Variants in PHEX observed in about 807,000 individuals in gnomAD.
PHEX encodes phosphate-regulating neutral endopeptidase PHEX.
In PHEX, 16 loss-of-function variants were observed where a neutral mutation model predicts 68.0. The observed-to-expected ratio is 0.24, with a 90% confidence interval of 0.16 to 0.36. The LOEUF (loss-of-function observed/expected upper bound fraction) is 0.36. PHEX is among the 10% of genes least tolerant of loss of function. PHEX has a pLI of 1.00. For missense variants in PHEX, 480 were observed against 575.5 expected (o/e 0.83, Z 1.70); for synonymous variants, 208 against 205.1 (o/e 1.01, Z -0.12).
At chrX:22,245,124 T>C (rs1448794275) in intron 20 of PHEX, among the ~76,000 whole-genome samples, 3 of 112,390 alleles carry the variant, frequency 2.7e-5, no homozygotes, top group Non-Finnish European at 5.6e-5. Context: ...TTACTCAAAT[T>C]GTGAAATTAT....
intron 13 of PHEX, among the ~76,000 whole-genome samples, chrX:22,176,397 AAAAAAATAT>A (rs1467094695): frequency 2.1e-4 from 16 of 75,769 alleles, no homozygotes; most frequent in African/African-American, 3.0e-4. Flanking sequence ...AAAAAAAAAA[AAAAAAATAT>A]ATATATATAT....
chrX:22,224,213 C>G (rs1397811793), intron 18 of PHEX, among the ~76,000 whole-genome samples: 4 of 111,751 alleles, frequency 3.6e-5, no homozygotes, highest in Non-Finnish European at 7.5e-5. Flanking sequence ...AAACCCCTGA[C>G]CTCAGGCAAT....
intron 15 of PHEX, among the ~76,000 whole-genome samples, chrX:22,196,409 A>G (rs926116069): frequency 8.9e-6 from 1 of 112,042 alleles, no homozygotes; most frequent in African/African-American, 3.2e-5. Flanking sequence ...TGCAAGTCAT[A>G]GTGTCTTTGT....
rs1405387326 is a variant in PHEX at position 22,221,538 on chromosome X, C to T, written c.1769-75C>T. 32 of 923,545 alleles carry T rather than the reference C, an allele frequency of 3.5e-5. No individual in the cohort carries two copies. The East Asian group carries it at 5.3e-4, about 15-fold the overall frequency. The allele number at this position is 923,545 out of a possible 1,213,427, so 76.1% of individuals were successfully genotyped here. On this transcript the variant is annotated intron_variant, in intron 17 of 21. Transcript: ENST00000379374. ...TTATGACTGCTTTTTGAAGGCTTGT[C>T]GAGGTGAGGGAAAGGAAAGATGAAT...
intron 11 of PHEX, among the ~76,000 whole-genome samples, chrX:22,118,768 T>C (rs1265156210): frequency 9.0e-6 from 1 of 111,015 alleles, no homozygotes; most frequent in Non-Finnish European, 1.9e-5. Flanking sequence ...TATATTACTG[T>C]TTCACTAAGA....
At chrX:22,088,812 A>G (rs1211446231) in intron 5 of PHEX, among the ~76,000 whole-genome samples, 1 of 111,481 alleles carries the variant, frequency 9.0e-6, no homozygotes, top group Non-Finnish European at 1.9e-5. Flanking sequence ...GATAAAGTCT[A>G]ATTTATTTTT....
chrX:22,103,286 C>G (rs1348372921), intron 9 of PHEX, among the ~76,000 whole-genome samples: 1 of 111,458 alleles, frequency 9.0e-6, no homozygotes, highest in East Asian at 2.8e-4. Context: ...TTGGTGTCAG[C>G]TGTTCATTTC....
intron 3 of PHEX, among the ~76,000 whole-genome samples, chrX:22,060,578 GAATATTGGCTGA>G (rs1928316864): frequency 8.9e-6 from 1 of 111,926 alleles, no homozygotes; most frequent in Non-Finnish European, 1.9e-5. Context: ...CTATGCATGG[GAATATTGGCTGA>G]AAAAAATGAA....
intron 15 of PHEX, among the ~76,000 whole-genome samples, chrX:22,198,152 AT>A (rs1934431637): frequency 9.6e-6 from 1 of 104,682 alleles, no homozygotes; most frequent in Admixed American, 1.1e-4. Flanking sequence ...TTTATATAAT[AT>A]ATATCAATAT....
chrX:22,223,285 T>C (rs1211322034), intron 18 of PHEX, among the ~76,000 whole-genome samples: 1 of 111,832 alleles, frequency 8.9e-6, no homozygotes, highest in Non-Finnish European at 1.9e-5. Flanking sequence ...GCACTACAGA[T>C]GCAGACTGTC....
At chrX:22,127,578 T>C (rs1931789099) in intron 11 of PHEX, among the ~76,000 whole-genome samples, 1 of 111,664 alleles carries the variant, frequency 9.0e-6, no homozygotes, top group Non-Finnish European at 1.9e-5. Context: ...ATTTCTCTTA[T>C]TTGCATTGAC....
chrX:22,110,401 T>C (rs1305334135), intron 9 of PHEX, among the ~76,000 whole-genome samples: 1 of 112,473 alleles, frequency 8.9e-6, no homozygotes, highest in Non-Finnish European at 1.9e-5. Context: ...TTTTTTGATC[T>C]TTGGAACCCA....
At position 22,044,387 on chromosome X, in the gene PHEX, C is replaced by T. The variant is rs7050775; in HGVS notation, c.188-2663C>T. Among the ~76,000 whole-genome samples the T allele has an allele frequency of 6.5e-3, 723 of 111,474 alleles. 8 individuals carry two copies. The highest frequency in any genetic ancestry group is 0.022 in the African/African-American group (678 of 30,728). ...AGAAAGATTTTGTTATGTCCTAGCA[C>T]ATTTGCACATTAAATATTAATGATA... On this transcript the variant is annotated intron_variant, in intron 2 of 21. Transcript: ENST00000379374.
rs771529993 is a variant in PHEX, at chrX:22,090,443, A to G, written c.678A>G (p.Thr226=). The change falls in exon 6 of 22, where the codon ACA becomes ACG. Residue 226 remains threonine, a synonymous_variant. Transcript: ENST00000379374. ...NEHILKLDQA[T]LSLAVREDYL... is the part of the protein sequence containing the mutation. ...TGTTTTTACAGCTGGACCAAGCAAC[A>G]CTCTCCCTGGCCGTGAGGGAAGACT... 1 of 1,208,567 alleles carries G rather than the reference A, an allele frequency of 8.3e-7. No homozygotes were observed. The highest frequency in any genetic ancestry group is 1.8e-5 in the South Asian group (1 of 56,906).
At chrX:22,171,421 G>T (rs761995856) in intron 13 of PHEX, 2 of 110,288 alleles carry the variant, frequency 1.8e-5, no homozygotes, top group African/African-American at 3.3e-5. Flanking sequence ...ATTACAATTC[G>T]AGATGAGATT....
intron 12 of PHEX, among the ~76,000 whole-genome samples, chrX:22,160,344 T>A (rs1460718553): frequency 9.1e-6 from 1 of 109,309 alleles, no homozygotes; most frequent in African/African-American, 3.3e-5. Flanking sequence ...AGGTCAGGAG[T>A]TCGAGACCAG....
chrX:22,226,918 G>A (rs1351095059), intron 19 of PHEX, among the ~76,000 whole-genome samples: 1 of 111,081 alleles, frequency 9.0e-6, no homozygotes, highest in Non-Finnish European at 1.9e-5. Context: ...GAGGGTAGTG[G>A]TTCTCATATA....
At chrX:22,081,138 G>C (rs1388329007) in intron 5 of PHEX, among the ~76,000 whole-genome samples, 1 of 110,112 alleles carries the variant, frequency 9.1e-6, no homozygotes, top group Non-Finnish European at 1.9e-5. Flanking sequence ...CCAACCTTTT[G>C]GTGGGAAACT....
At chrX:22,055,292 T>C (rs973288943) in intron 3 of PHEX, among the ~76,000 whole-genome samples, 9 of 107,790 alleles carry the variant, frequency 8.3e-5, no homozygotes, top group Non-Finnish European at 1.5e-4. Context: ...ATATCCCAAT[T>C]ACCCAGATTT....
Sources: allele counts gnomAD v4.1 joint callset (sites outside exome capture counted in the v4.1 genomes callset), GRCh38; gene constraint gnomAD v4.1.1; transcripts MANE v1.5; gene names NCBI Gene and HGNC (gene_info 2026-07-23, HGNC 2026-07-21).